GRID2IP: variants seen among roughly 807,000 people sequenced by gnomAD.
The protein encoded by GRID2IP is delphilin.
GRID2IP carries 78 observed loss-of-function variants against 114.3 expected under a neutral mutation model. The observed-to-expected ratio is 0.68, with a 90% CI of 0.57 to 0.82. The LOEUF (loss-of-function observed/expected upper bound fraction) is 0.82, where lower values mean the gene tolerates loss of function less well. GRID2IP is among the 40% of genes least tolerant of loss of function. The probability of loss-of-function intolerance (pLI) is 0.00; values close to 1 mark genes in which losing one functional copy is unlikely to be tolerated. For missense variants in GRID2IP, 1,727 were observed against 1,678.5 expected (o/e 1.03, Z -0.51); for synonymous variants, 809 against 724.0 (o/e 1.12, Z -1.89).
At chr7:6,510,458 G>A in intron 10 of GRID2IP, 58 bp from the exon 11 acceptor site, 1 of 1,395,238 alleles carries the variant, frequency 7.2e-7, no homozygotes, top group Non-Finnish European at 9.6e-7. Context: ...GCCCTAATGT[G>A]GTCCAGGCCT....
At position 6,509,349 on chromosome 7, in the gene GRID2IP, G is replaced by GCCAGCAC. The variant is rs1786697533; in HGVS notation, c.1772-43_1772-37dup. 1 of 1,456,282 alleles carries GCCAGCAC rather than the reference G, an allele frequency of 6.9e-7. No individual in the cohort carries two copies. Among genetic ancestry groups the GCCAGCAC allele is most frequent in the African/African-American group, 1.4e-5 (1 of 69,812 alleles). The allele number at this position is 1,456,282 out of a possible 1,614,324, so 90.2% of individuals were successfully genotyped here. On this transcript the variant is annotated intron_variant, in intron 11 of 21. Transcript: ENST00000457091. The surrounding 1 kb of genome is among the most constrained non-coding windows in gnomAD (Gnocchi z 4.9). ...GATGGAGTATGAGGATTCCTCTTCA[G>GCCAGCAC]CCAGCACCGAGGTTCCAGGTGCAAG... is the stretch of plus-strand genomic sequence containing the variant.
rs1786426323 is a variant in GRID2IP at position 6,501,906 on chromosome 7, G to A, written c.3281-7C>T. On this transcript the variant is annotated splice_polypyrimidine_tract_variant and splice_region_variant and intron_variant, in intron 19 of 21. Transcript: ENST00000457091. ...GTCAGGGCCCGTTGGTTCACTGTAG[G>A]GAAGAGGACAGGGGCTGCATGGGGC... 6.4e-6 allele frequency: 10 copies of A among 1,551,216 alleles called. No homozygotes were observed. Among genetic ancestry groups the A allele is most frequent in the African/African-American group, 2.7e-5 (2 of 73,048 alleles).
At chr7:6,518,248 A>T (rs1206784170) in intron 7 of GRID2IP, among the ~76,000 whole-genome samples, 1 of 152,092 alleles carries the variant, frequency 6.6e-6, no homozygotes, top group Non-Finnish European at 1.5e-5. Context: ...AATAAAATAA[A>T]ATATACAAGA....
intron 13 of GRID2IP, 79 bp from the exon 14 acceptor site, chr7:6,505,986 G>C (rs1429815003): frequency 2.0e-6 from 2 of 991,642 alleles, no homozygotes; most frequent in Non-Finnish European, 1.5e-6. Context: ...CCCTCTGAGG[G>C]CTGCCATAGG....
In GRID2IP at chr7:6,510,891, CCT is replaced by C. The variant is rs752351379; in HGVS notation, c.1555+15_1555+16del. ...AACTGAGCTCCATTCATACCCTCCCCCTGACACCAGCCTTACCGCAGCTGAGG... is the reference window on the plus strand; with the variant it reads ...AACTGAGCTCCATTCATACCCTCCCCGACACCAGCCTTACCGCAGCTGAGG... On this transcript the variant is annotated intron_variant, in intron 9 of 21. Transcript: ENST00000457091. 45 of 1,549,764 alleles carry C rather than the reference CCT, an allele frequency of 2.9e-5. No individual in the cohort carries two copies. Among genetic ancestry groups the C allele is most frequent in the East Asian group, 2.0e-4 (8 of 40,612 alleles).
At chr7:6,512,234 T>C (rs1414706962) in intron 8 of GRID2IP, among the ~76,000 whole-genome samples, 19 of 130,740 alleles carry the variant, frequency 1.5e-4, no homozygotes, top group South Asian at 2.4e-4. Context: ...TTTTCTTCTT[T>C]TTTTTTTTTT....
rs1779687566 is a variant in GRID2IP, at chr7:6,534,302, C to G, written c.584+5416G>C. 6.6e-6 allele frequency among the ~76,000 whole-genome samples: 1 copy of G among 152,172 alleles called. No individual in the cohort carries two copies. Among genetic ancestry groups the G allele is most frequent in the Admixed American group, 6.6e-5 (1 of 15,266 alleles). On this transcript the variant is annotated intron_variant, in intron 2 of 21. Coordinates refer to ENST00000457091, the MANE Select transcript of GRID2IP (RefSeq NM_001145118.2). This position sits in a 1 kb window ranked among gnomAD's most constrained non-coding sequence, Gnocchi z 4.5. ...TCCCCCCACGCCACCACTCATATTT[C>G]CTGAAACGCTAGCGGACCACAAAGC...
At chr7:6,545,120 A>C (rs1244539926) in intron 1 of GRID2IP, among the ~76,000 whole-genome samples, 3 of 151,604 alleles carry the variant, frequency 2.0e-5, no homozygotes, top group African/African-American at 7.3e-5. Flanking sequence ...AAAAAGTAAA[A>C]AGTTAGCCAG....
rs1003262083 is a variant in GRID2IP at position 6,532,791 on chromosome 7, G to A, written c.585-6022C>T. Among the ~76,000 whole-genome samples, 3 of 152,202 alleles carry A rather than the reference G, an allele frequency of 2.0e-5. No individual in the cohort carries two copies. Among genetic ancestry groups the A allele is most frequent in the African/African-American group, 4.8e-5 (2 of 41,464 alleles). On this transcript the variant is annotated intron_variant, in intron 2 of 21. Transcript: ENST00000457091. The surrounding 1 kb of genome is among the most constrained non-coding windows in gnomAD (Gnocchi z 4.4). Reference sequence around the variant, plus strand: ...CCAAAGGCTCTGAAAACCATCCACCGTGCTGTGAGCACAGGAGATGCAACC... The same window carrying A: ...CCAAAGGCTCTGAAAACCATCCACCATGCTGTGAGCACAGGAGATGCAACC...
chr7:6,504,121 T>TG lies in GRID2IP; in HGVS notation c.2711-435dup, dbSNP rs930219028. 1.7e-4 allele frequency among the ~76,000 whole-genome samples: 8 copies of TG among 47,940 alleles called. No homozygotes were observed. The South Asian group carries it at 2.0e-3, about 12-fold the overall frequency. 31.5% of individuals were successfully genotyped at this position (47,940 alleles called of 152,430 possible). On this transcript the variant is annotated intron_variant, in intron 15 of 21. Coordinates refer to ENST00000457091, the MANE Select transcript of GRID2IP (RefSeq NM_001145118.2). ...GGCTACTGGAGGAACTCTAGAGGGG[T>TG]GGGGGTCAATGAACAGGGCGGGGTC... is the stretch of plus-strand genomic sequence containing the variant.
chr7:6,514,349 G>A (rs1779247999), intron 8 of GRID2IP, 26 bp downstream of exon 8: 2 of 1,472,356 alleles, frequency 1.4e-6, no homozygotes, highest in South Asian at 1.3e-5. Flanking sequence ...TGCAGGCAGG[G>A]AAGTGGCAGG....
chr7:6,547,802 G>A lies in GRID2IP; in HGVS notation c.429+3206C>T, dbSNP rs138914525. 1.1e-3 allele frequency among the ~76,000 whole-genome samples: 164 copies of A among 152,278 alleles called. 1 individual carries two copies. The highest frequency in any genetic ancestry group is 3.7e-3 in the African/African-American group (152 of 41,570). On this transcript the variant is annotated intron_variant, in intron 1 of 21. Coordinates refer to ENST00000457091, the MANE Select transcript of GRID2IP (RefSeq NM_001145118.2). ...CACTCCTGAGGGGGTTAATTTGGAAGGGGTTAGGACTGGACCAAGCTTGGG... is the reference window on the plus strand; with the variant it reads ...CACTCCTGAGGGGGTTAATTTGGAAAGGGTTAGGACTGGACCAAGCTTGGG...
rs1779311557 is a variant in GRID2IP at position 6,516,775 on chromosome 7, T to A, written c.1269-2246A>T. ...AGCAGAATTAGTGAAAGTACTAAAG[T>A]CTTTAAAATGCATAGAAGAAATAAT... On this transcript the variant is annotated intron_variant, in intron 7 of 21. Coordinates refer to ENST00000457091, the MANE Select transcript of GRID2IP (RefSeq NM_001145118.2). The surrounding 1 kb of genome is among the most constrained non-coding windows in gnomAD (Gnocchi z 4.3). 6.6e-6 allele frequency among the ~76,000 whole-genome samples: 1 copy of A among 152,126 alleles called. No homozygotes were observed. Among genetic ancestry groups the A allele is most frequent in the African/African-American group, 2.4e-5 (1 of 41,422 alleles).
intron 2 of GRID2IP, chr7:6,537,039 G>A: frequency 1.8e-6 from 1 of 554,762 alleles, no homozygotes; most frequent in East Asian, 3.1e-5. Flanking sequence ...GAAGAGGGAG[G>A]GGAGGGATGG....
chr7:6,531,239 G>A (rs1779617629), intron 2 of GRID2IP: 1 of 424,238 alleles, frequency 2.4e-6, no homozygotes, highest in South Asian at 5.9e-5. Context: ...GTCCCGGCCC[G>A]CAGCCCCGCC....
At position 6,521,351 on chromosome 7, in the gene GRID2IP, G is replaced by A. The variant is rs1348568402; in HGVS notation, c.1084+78C>T. On this transcript the variant is annotated intron_variant, in intron 6 of 21. Coordinates refer to ENST00000457091, the MANE Select transcript of GRID2IP (RefSeq NM_001145118.2). This position sits in a 1 kb window ranked among gnomAD's most constrained non-coding sequence, Gnocchi z 4.1. ...GTTTAGGGGAAGAGCTGAGTCCTCC[G>A]CACTGTGACTCTCACATATAGCAGC... The A allele has an allele frequency of 5.8e-6, 6 of 1,041,780 alleles. No homozygotes were observed. Among genetic ancestry groups the A allele is most frequent in the South Asian group, 4.9e-5 (3 of 61,424 alleles). 64.5% of individuals were successfully genotyped at this position (1,041,780 alleles called of 1,614,324 possible).
intron 2 of GRID2IP, among the ~76,000 whole-genome samples, chr7:6,535,907 C>T (rs931057928): frequency 6.6e-6 from 1 of 152,138 alleles, no homozygotes; most frequent in Non-Finnish European, 1.5e-5. Context: ...CCCACATCTA[C>T]AGGACGCACC....
chr7:6,514,592 G>T (rs1486351125), intron 7 of GRID2IP, 63 bp from the exon 8 acceptor site: 1 of 1,379,988 alleles, frequency 7.2e-7, no homozygotes, highest in East Asian at 2.7e-5. Context: ...GCACAGAGTG[G>T]GGGTAGACAA....
intron 7 of GRID2IP, among the ~76,000 whole-genome samples, chr7:6,517,064 T>C (rs976294516): frequency 3.3e-5 from 5 of 151,368 alleles, no homozygotes; most frequent in Non-Finnish European, 5.9e-5. Context: ...TTCTTTCTTT[T>C]TTTTTTTTTT....
Sources: gnomAD v4.1 joint callset for allele counts (sites outside exome capture counted in the v4.1 genomes callset) on GRCh38, gnomAD v4.1.1 for gene constraint, Gnocchi (gnomAD v3.1) non-coding constraint, MANE v1.5 for transcripts, NCBI Gene and HGNC (gene_info 2026-07-23, HGNC 2026-07-21) for gene names.